The following RERG variants were observed in gnomAD, a reference collection of about 807,000 sequenced individuals.
RERG encodes ras-related and estrogen-regulated growth inhibitor.
A neutral mutation model predicts 23.2 loss-of-function variants in RERG; 25 were observed. The ratio of observed to expected loss-of-function variants is 1.08; its 90% confidence interval spans 0.79 to 1.50. The LOEUF is 1.50. RERG is among the 40% of genes most tolerant of loss of function. RERG has a pLI of 0.00. For missense variants in RERG, 253 were observed against 250.1 expected (o/e 1.01, Z -0.08); for synonymous variants, 81 against 89.1 (o/e 0.91, Z 0.51).
intron 2 of RERG, among the ~76,000 whole-genome samples, chr12:15,149,298 G>C (rs1864397969): frequency 6.6e-6 from 1 of 151,778 alleles, no homozygotes; most frequent in African/African-American, 2.4e-5. Context: ...TTCATCTCAG[G>C]CTTTCCTTAT....
chr12:15,171,447 GTGGAT>G (rs1864776825), intron 2 of RERG, among the ~76,000 whole-genome samples: 1 of 152,172 alleles, frequency 6.6e-6, no homozygotes, highest in African/African-American at 2.4e-5. Flanking sequence ...AGGCTGGACT[GTGGAT>G]TGGAGATAGA....
intron 2 of RERG, among the ~76,000 whole-genome samples, chr12:15,210,318 CA>C (rs1251856154): frequency 9.9e-5 from 15 of 152,226 alleles, no homozygotes; most frequent in African/African-American, 3.6e-4. Flanking sequence ...AGAAACATTG[CA>C]ATGAATAAAT....
intron 2 of RERG, among the ~76,000 whole-genome samples, chr12:15,145,261 G>A (rs1864312133): frequency 6.6e-6 from 1 of 152,226 alleles, no homozygotes; most frequent in Non-Finnish European, 1.5e-5. Context: ...AAATTTTGGT[G>A]TGGACTTATA....
chr12:15,152,037 C>T (rs1864451434), intron 2 of RERG: 1 of 152,190 alleles, frequency 6.6e-6, no homozygotes, highest in Non-Finnish European at 1.5e-5. Context: ...CCACAAGGCA[C>T]ATGAAATAAC....
intron 2 of RERG, among the ~76,000 whole-genome samples, chr12:15,189,189 C>A (rs916070017): frequency 6.6e-6 from 1 of 152,156 alleles, no homozygotes; most frequent in Admixed American, 6.6e-5. Flanking sequence ...CATGTCATTT[C>A]TTTGCTTAAA....
intron 2 of RERG, among the ~76,000 whole-genome samples, chr12:15,202,709 T>C (rs1178612910): frequency 6.6e-6 from 1 of 151,700 alleles, no homozygotes; most frequent in Non-Finnish European, 1.5e-5. Context: ...AGTAGGGACA[T>C]GTGAATCATT....
intron 3 of RERG, among the ~76,000 whole-genome samples, chr12:15,112,162 A>G (rs1325455302): frequency 6.6e-6 from 1 of 152,194 alleles, no homozygotes; most frequent in African/African-American, 2.4e-5. Flanking sequence ...TAACATACCA[A>G]CAGAAGCTAC....
chr12:15,134,173 C>T (rs150519695), intron 2 of RERG, among the ~76,000 whole-genome samples: 60 of 151,176 alleles, frequency 4.0e-4, no homozygotes, highest in African/African-American at 1.5e-3. Context: ...CCACCATACC[C>T]AAGGTCACAC....
At chr12:15,186,224 A>G (rs973482816) in intron 2 of RERG, among the ~76,000 whole-genome samples, 1 of 151,556 alleles carries the variant, frequency 6.6e-6, no homozygotes, top group African/African-American at 2.4e-5. Context: ...AATTATATTT[A>G]AAAATACATT....
chr12:15,120,537 T>C (rs1235144382), intron 3 of RERG, among the ~76,000 whole-genome samples: 1 of 151,734 alleles, frequency 6.6e-6, no homozygotes, highest in Admixed American at 6.6e-5. Context: ...ATTTTATACA[T>C]CAACATTATT....
At chr12:15,177,216 GCTGAGGAGGT>G (rs1485877357) in intron 2 of RERG, among the ~76,000 whole-genome samples, 2 of 152,200 alleles carry the variant, frequency 1.3e-5, no homozygotes, top group Non-Finnish European at 2.9e-5. Context: ...ACTCTGGGAG[GCTGAGGAGGT>G]CAGATCACCT....
chr12:15,122,104 A>T (rs1011997727), intron 2 of RERG, among the ~76,000 whole-genome samples: 4 of 152,024 alleles, frequency 2.6e-5, no homozygotes, highest in Non-Finnish European at 4.4e-5. Context: ...TTTCCTGAAA[A>T]AATATACATA....
intron 1 of RERG, 71 bp from the exon 2 acceptor site, chr12:15,217,674 T>A (rs1865461768): frequency 1.8e-6 from 1 of 547,698 alleles, no homozygotes; most frequent in Non-Finnish European, 3.3e-6. Flanking sequence ...GCATCTACTA[T>A]ATGCCAGCCA....
chr12:15,141,152 CTT>C, intron 2 of RERG, among the ~76,000 whole-genome samples: 1 of 138,248 alleles, frequency 7.2e-6, no homozygotes, highest in Admixed American at 7.3e-5. Flanking sequence ...ATTGATGTGT[CTT>C]TTTTTTTTTT....
chr12:15,125,000 A>T (rs1196283740), intron 2 of RERG, among the ~76,000 whole-genome samples: 1 of 152,006 alleles, frequency 6.6e-6, no homozygotes, highest in African/African-American at 2.4e-5. Flanking sequence ...ACAGTACAAC[A>T]TTCATATAAT....
Position 15,117,839 on chromosome 12 carries a change from G to T in RERG, c.118+3224C>A, listed in dbSNP as rs566972259. 2.0e-5 allele frequency among the ~76,000 whole-genome samples: 3 copies of T among 152,100 alleles called. No homozygotes were observed. In the South Asian group the frequency reaches 6.2e-4, roughly 32 times the overall value. On this transcript the variant is annotated intron_variant, in intron 3 of 4. Transcript: ENST00000256953. ...ATCCATTCAGAACATGGATCCTGTTGTTCTACAATCAGATAATTGCTGCCA... is the reference window on the plus strand; with the variant it reads ...ATCCATTCAGAACATGGATCCTGTTTTTCTACAATCAGATAATTGCTGCCA...
Position 15,109,452 on chromosome 12 carries a change from A to T in RERG, c.258T>A (p.Ile86=), listed in dbSNP as rs771068808. The T allele has an allele frequency of 5.0e-6, 8 of 1,613,838 alleles. No homozygotes were observed. The highest frequency in any genetic ancestry group is 6.8e-6 in the Non-Finnish European group (8 of 1,179,958). ...WGEGFVLVYD[I]TDRGSFEEVL... Reference sequence around the variant, plus strand: ...CTTCCTCAAAACTTCCTCGGTCAGTAATGTCGTAGACCAGCACAAAGCCTT... The same window carrying T: ...CTTCCTCAAAACTTCCTCGGTCAGTTATGTCGTAGACCAGCACAAAGCCTT... Residue 86 remains isoleucine, a synonymous_variant, in exon 5 of 5, where the codon ATT becomes ATA. Transcript: ENST00000256953.
chr12:15,168,314 C>T (rs1002347482), intron 2 of RERG, among the ~76,000 whole-genome samples: 4 of 152,146 alleles, frequency 2.6e-5, no homozygotes, highest in African/African-American at 9.7e-5. Context: ...AACACAACAG[C>T]GAGAGAGTTC....
At chr12:15,168,398 T>C (rs146834674) in intron 2 of RERG, among the ~76,000 whole-genome samples, 6 of 152,292 alleles carry the variant, frequency 3.9e-5, no homozygotes, top group African/African-American at 1.4e-4. Context: ...AGGAAACCCT[T>C]TGACTCCCCA....
Sources: gnomAD v4.1 joint callset for allele counts (sites outside exome capture counted in the v4.1 genomes callset) on GRCh38, gnomAD v4.1.1 for gene constraint, MANE v1.5 for transcripts, NCBI Gene and HGNC (gene_info 2026-07-23, HGNC 2026-07-21) for gene names.